Variants in SLC6A19 observed in about 807,000 individuals in gnomAD.
SLC6A19 encodes the protein sodium-dependent neutral amino acid transporter B(0)AT1.
Under a neutral mutation model 68.3 loss-of-function variants are expected in SLC6A19, and 67 were observed. The ratio of observed to expected loss-of-function variants is 0.98; its 90% CI spans 0.81 to 1.20. The LOEUF is 1.20. Among genes scored for constraint, SLC6A19 ranks in the 50% most tolerant of loss-of-function variants. The probability of loss-of-function intolerance (pLI) is 0.00; values close to 1 mark genes in which losing one functional copy is unlikely to be tolerated. For synonymous variants in SLC6A19, 392 were observed against 374.9 expected (o/e 1.05, Z -0.53); for missense variants, 813 against 851.6 (o/e 0.95, Z 0.56).
At chr5:1,208,492 A>G (rs1356979426) in intron 1 of SLC6A19, among the ~76,000 whole-genome samples, 2 of 152,162 alleles carry the variant, frequency 1.3e-5, no homozygotes, top group African/African-American at 2.4e-5. Flanking sequence ...TAACGACAGC[A>G]ACGTCCAGAG....
At chr5:1,208,080 T>C (rs1579509679) in intron 1 of SLC6A19, among the ~76,000 whole-genome samples, 1 of 152,258 alleles carries the variant, frequency 6.6e-6, no homozygotes, top group Non-Finnish European at 1.5e-5. Flanking sequence ...TTAATCATTT[T>C]TACATGTACA....
At chr5:1,219,779 G>A (rs1302069612) in intron 10 of SLC6A19, 115 bp downstream of exon 10, 49 of 1,455,580 alleles carry the variant, frequency 3.4e-5, no homozygotes, top group African/African-American at 5.5e-5. Flanking sequence ...TCTATGACTC[G>A]GGGCCTCGGC....
At chr5:1,221,372 C>T (rs1287159761) in intron 11 of SLC6A19, 59 bp downstream of exon 11, 3 of 1,587,376 alleles carry the variant, frequency 1.9e-6, no homozygotes, top group Admixed American at 1.7e-5. Flanking sequence ...GAAAGGAGGA[C>T]ACTCATCCAC....
Position 1,209,191 on chromosome 5 carries a change from C to G in SLC6A19, c.343+305C>G, listed in dbSNP as rs932162599. Among the ~76,000 whole-genome samples, 1 of 152,108 alleles carries G rather than the reference C, an allele frequency of 6.6e-6. No homozygotes were observed. The highest frequency in any genetic ancestry group is 6.5e-5 in the Admixed American group (1 of 15,282). ...CTCAAGCCCTGCCCATGGCGGCGCT[C>G]AGCGAGAGCCCAGGGCCCAGGAGGG... On this transcript the variant is annotated intron_variant, in intron 2 of 11. Coordinates refer to ENST00000304460, the MANE Select transcript of SLC6A19 (RefSeq NM_001003841.3). The surrounding 1 kb of genome is among the most constrained non-coding windows in gnomAD (Gnocchi z 5.5).
chr5:1,221,483 T>TC (rs1002792953), intron 11 of SLC6A19, among the ~76,000 whole-genome samples, 170 bp downstream of exon 11: 4 of 151,944 alleles, frequency 2.6e-5, no homozygotes, highest in African/African-American at 7.3e-5. Context: ...TCTTGCTGGT[T>TC]CCCCCCTCCC....
intron 1 of SLC6A19, among the ~76,000 whole-genome samples, 154 bp downstream of exon 1, chr5:1,202,006 CA>C: frequency 6.6e-6 from 1 of 152,172 alleles, no homozygotes; most frequent in East Asian, 1.9e-4. Flanking sequence ...CTGGGGCCCC[CA>C]CGGGCCCCCG....
intron 1 of SLC6A19, among the ~76,000 whole-genome samples, chr5:1,208,053 A>G (rs1186617720): frequency 6.6e-6 from 1 of 152,240 alleles, no homozygotes; most frequent in Non-Finnish European, 1.5e-5. Context: ...GAATACATAT[A>G]TGTAAAATTT....
intron 1 of SLC6A19, among the ~76,000 whole-genome samples, chr5:1,204,613 G>A (rs558579320): frequency 1.1e-3 from 160 of 152,328 alleles, no homozygotes; most frequent in African/African-American, 3.4e-3. Context: ...CAGTTGCCCC[G>A]TGTGTCCCCG....
Position 1,210,553 on chromosome 5 carries a change from C to T in SLC6A19, c.453C>T (p.Ser151=), listed in dbSNP as rs756989097. Residue 151 remains serine, a synonymous_variant, in exon 3 of 12, where the codon AGC becomes AGT. Coordinates refer to ENST00000304460, the MANE Select transcript of SLC6A19 (RefSeq NM_001003841.3). ...FNSFQEPLPW[S]DCPLNENQTG... is the part of the protein sequence containing the mutation. ...CCTTCCAGGAGCCTCTGCCCTGGAG[C>T]GACTGCCCGCTCAACGAGAACCAGA... The T allele has an allele frequency of 3.3e-5, 54 of 1,613,010 alleles. No individual in the cohort carries two copies. Among genetic ancestry groups the T allele is most frequent in the South Asian group, 2.7e-4 (25 of 91,088 alleles).
rs539185647 is a variant in SLC6A19 at position 1,222,300 on chromosome 5, G to C, written c.*396G>C. ...TGTGCATGTATATATAGACATACAT[G>C]CCTATGTTGTGTGTGGTGTGCATAT... On this transcript the variant is annotated 3_prime_UTR_variant, in exon 12 of 12. Coordinates refer to ENST00000304460, the MANE Select transcript of SLC6A19 (RefSeq NM_001003841.3). 3.8e-5 allele frequency: 21 copies of C among 545,574 alleles called. No individual in the cohort carries two copies. Among genetic ancestry groups the C allele is most frequent in the African/African-American group, 3.7e-4 (20 of 53,416 alleles). 33.8% of individuals were successfully genotyped at this position (545,574 alleles called of 1,614,324 possible).
Position 1,222,116 on chromosome 5 carries a change from T to A in SLC6A19, c.*212T>A. 1 of 617,252 alleles carries A rather than the reference T, an allele frequency of 1.6e-6. No individual in the cohort carries two copies. Among genetic ancestry groups the A allele is most frequent in the Non-Finnish European group, 2.9e-6 (1 of 348,538 alleles). 38.2% of individuals were successfully genotyped at this position (617,252 alleles called of 1,614,324 possible). A position where few individuals can be genotyped will look rare whatever the true frequency, so the allele number is the denominator to read the frequency against. On this transcript the variant is annotated 3_prime_UTR_variant, in exon 12 of 12. Transcript: ENST00000304460. Reference sequence around the variant, plus strand: ...TGGGCACTGTGTGAGTGTGCACGTGTATGCACACATATACATGTGTGTGGG... The same window carrying A: ...TGGGCACTGTGTGAGTGTGCACGTGAATGCACACATATACATGTGTGTGGG...
chr5:1,210,871 G>C (rs1296124455), intron 3 of SLC6A19, among the ~76,000 whole-genome samples: 1 of 152,172 alleles, frequency 6.6e-6, no homozygotes, highest in Non-Finnish European at 1.5e-5. Context: ...GCTGCTGGGA[G>C]GCTGCTCCCT....
At chr5:1,208,201 C>T (rs1253287253) in intron 1 of SLC6A19, among the ~76,000 whole-genome samples, 1 of 152,186 alleles carries the variant, frequency 6.6e-6, no homozygotes, top group Non-Finnish European at 1.5e-5. Context: ...AACCCTAATT[C>T]CCCACTGAGG....
intron 6 of SLC6A19, among the ~76,000 whole-genome samples, chr5:1,216,158 A>T (rs974846398): frequency 6.6e-6 from 1 of 152,178 alleles, no homozygotes; most frequent in East Asian, 1.9e-4. Context: ...GCTGGACAGG[A>T]CGCCTAGGGT....
In SLC6A19 at chr5:1,215,401, C is replaced by T. The variant is rs1221171612; in HGVS notation, c.888-1157C>T. Among the ~76,000 whole-genome samples the T allele has an allele frequency of 6.6e-6, 1 of 152,228 alleles. No homozygotes were observed. The highest frequency in any genetic ancestry group is 6.5e-5 in the Admixed American group (1 of 15,288). On this transcript the variant is annotated intron_variant, in intron 6 of 11. Transcript: ENST00000304460. This position sits in a 1 kb window ranked among gnomAD's most constrained non-coding sequence, Gnocchi z 5.1. ...AAAGCTCCACATATGTGAGCAGCCG[C>T]TCCCCAGTGCCCTGTCCTCCTGCCC... is the stretch of plus-strand genomic sequence containing the variant.
chr5:1,212,633 T>A lies in SLC6A19; in HGVS notation c.663+149T>A. 9.5e-7 allele frequency: 1 copy of A among 1,052,044 alleles called. No homozygotes were observed. Among genetic ancestry groups the A allele is most frequent in the African/African-American group, 1.6e-5 (1 of 63,024 alleles). The allele number at this position is 1,052,044 out of a possible 1,614,324, so 65.2% of individuals were successfully genotyped here. A position where few individuals can be genotyped will look rare whatever the true frequency, so the allele number is the denominator to read the frequency against. ...CCACCAAGAGAGCTGCCTTTGCCCT[T>A]AGGCTCACTGGCCTGGGCGGGAGGG... is the stretch of plus-strand genomic sequence containing the variant. On this transcript the variant is annotated intron_variant, in intron 4 of 11. Transcript: ENST00000304460. The surrounding 1 kb of genome is among the most constrained non-coding windows in gnomAD (Gnocchi z 5.1).
rs1208351810 is a variant in SLC6A19 at position 1,222,455 on chromosome 5, C to T, written c.*551C>T. ...TGTGTGTATGTGTGTTCTGTGTGTG[C>T]GTTTGCAAGTATATATGCACATGTG... On this transcript the variant is annotated 3_prime_UTR_variant, in exon 12 of 12. Coordinates refer to ENST00000304460, the MANE Select transcript of SLC6A19 (RefSeq NM_001003841.3). 9 of 430,070 alleles carry T rather than the reference C, an allele frequency of 2.1e-5. No homozygotes were observed. The highest frequency in any genetic ancestry group is 5.8e-4 in the Middle Eastern group (1 of 1,730). 26.6% of individuals were successfully genotyped at this position (430,070 alleles called of 1,614,324 possible).
chr5:1,206,833 C>T (rs1230187071), intron 1 of SLC6A19, among the ~76,000 whole-genome samples: 1 of 152,180 alleles, frequency 6.6e-6, no homozygotes. Flanking sequence ...ACAAAGGTGG[C>T]CCCCAGGAGA....
chr5:1,208,620 C>T, intron 1 of SLC6A19, 126 bp from the exon 2 acceptor site: 1 of 1,314,602 alleles, frequency 7.6e-7, no homozygotes, highest in East Asian at 2.3e-5. Flanking sequence ...TCCATCTCAG[C>T]TCTGTTCCCA....
Sources: allele counts gnomAD v4.1 joint callset (sites outside exome capture counted in the v4.1 genomes callset), GRCh38; gene constraint gnomAD v4.1.1; non-coding constraint Gnocchi (gnomAD v3.1); transcripts MANE v1.5; gene names NCBI Gene and HGNC (gene_info 2026-07-23, HGNC 2026-07-21).